Variants in DLG2 observed in about 807,000 individuals in gnomAD.
DLG2 encodes discs large MAGUK scaffold protein 2, also known as disks large homolog 2.
A neutral mutation model predicts 132.5 loss-of-function variants in DLG2; 45 were observed. That is an observed-to-expected ratio of 0.34 (90% confidence interval 0.27 to 0.44). The LOEUF is 0.44. Ranked by LOEUF, DLG2 falls within the 20% of genes least tolerant of loss-of-function variation. DLG2 has a pLI of 1.00. For synonymous variants in DLG2, 424 were observed against 419.6 expected (o/e 1.01, Z -0.13); for missense variants, 1,045 against 1,196.9 (o/e 0.87, Z 1.87).
chr11:83,962,956 G>T lies in DLG2; in HGVS notation c.1269C>A (p.Ser423=), dbSNP rs1195892077. 6.2e-7 allele frequency: 1 copy of T among 1,613,104 alleles called. No individual in the cohort carries two copies. Among genetic ancestry groups the T allele is most frequent in the Non-Finnish European group, 8.5e-7 (1 of 1,179,282 alleles). The change falls in exon 14 of 28, where the codon TCC becomes TCA. Residue 423 remains serine (S), a synonymous_variant. Coordinates refer to ENST00000376104, the MANE Select transcript of DLG2 (RefSeq NM_001142699.3). The part of the protein sequence containing the change: ...GNNGTLEYKT[S]LPPISPGRYS... The stretch of plus-strand genomic sequence containing the variant: ...ACCTTCCTGGAGAGATGGGTGGCAG[G>T]GAGGTTTTATATTCTAAAGTGCCAT...
intron 6 of DLG2, among the ~76,000 whole-genome samples, chr11:84,956,472 A>G (rs888112901): frequency 3.9e-5 from 6 of 152,210 alleles, no homozygotes; most frequent in African/African-American, 1.4e-4. Context: ...TCGGCTACAT[A>G]TGAATACCCA....
At chr11:84,069,977 C>T (rs2096732518) in intron 10 of DLG2, among the ~76,000 whole-genome samples, 2 of 152,224 alleles carry the variant, frequency 1.3e-5, no homozygotes, top group South Asian at 4.1e-4. Context: ...CTGGTACCTA[C>T]CACCTGGATT....
At chr11:85,047,043 T>C (rs114475449) in intron 6 of DLG2, among the ~76,000 whole-genome samples, 125 of 152,162 alleles carry the variant, frequency 8.2e-4, no homozygotes, top group African/African-American at 2.9e-3. Flanking sequence ...TGCTAAAATA[T>C]AGAGATAGTT....
intron 6 of DLG2, among the ~76,000 whole-genome samples, chr11:84,954,562 A>T (rs748621736): frequency 6.6e-6 from 1 of 152,228 alleles, no homozygotes; most frequent in Non-Finnish European, 1.5e-5. Context: ...TTTATTGAGC[A>T]GAGGTTATAA....
At chr11:83,795,185 C>T (rs1192356334) in intron 17 of DLG2, among the ~76,000 whole-genome samples, 2 of 152,050 alleles carry the variant, frequency 1.3e-5, no homozygotes, top group Non-Finnish European at 2.9e-5. Flanking sequence ...GTGGGCAGAT[C>T]ATAAGGTCAG....
At chr11:84,416,790 C>T (rs967544529) in intron 7 of DLG2, among the ~76,000 whole-genome samples, 2 of 152,128 alleles carry the variant, frequency 1.3e-5, no homozygotes, top group East Asian at 1.9e-4. Context: ...AGTATATGTG[C>T]TCAATTAAAA....
intron 3 of DLG2, among the ~76,000 whole-genome samples, chr11:85,527,176 A>ATTTTTT (rs57616528): frequency 1.4e-5 from 2 of 142,956 alleles, no homozygotes; most frequent in Admixed American, 7.0e-5. Flanking sequence ...GGATGTTTTT[A>ATTTTTT]TTTTTTTTTT....
In DLG2 at chr11:84,629,167, A is replaced by T. The variant is rs569578515; in HGVS notation, c.358-94436T>A. Among the ~76,000 whole-genome samples the T allele has an allele frequency of 2.6e-5, 4 of 152,216 alleles. 1 individual carries two copies. In the South Asian group the frequency reaches 8.3e-4, roughly 32 times the overall value. Reference sequence around the variant, plus strand: ...CCTAATCTCTGAGATATAATAGCTGATTTACTTAGGATTTTCTGAGCTTTA... The same window carrying T: ...CCTAATCTCTGAGATATAATAGCTGTTTTACTTAGGATTTTCTGAGCTTTA... On this transcript the variant is annotated intron_variant, in intron 6 of 27. Transcript: ENST00000376104.
At chr11:85,194,920 C>T (rs541188628) in intron 4 of DLG2, among the ~76,000 whole-genome samples, 2 of 152,182 alleles carry the variant, frequency 1.3e-5, no homozygotes, top group Non-Finnish European at 2.9e-5. Context: ...GCAGCTAGGT[C>T]TCACTTCCAT....
chr11:84,724,464 G>A (rs1244593009), intron 6 of DLG2, among the ~76,000 whole-genome samples: 6 of 152,148 alleles, frequency 3.9e-5, no homozygotes, highest in Admixed American at 6.5e-5. Flanking sequence ...TGTGTAACTC[G>A]GTCTAATTCC....
chr11:84,868,022 T>C (rs769112991), intron 6 of DLG2, among the ~76,000 whole-genome samples: 6 of 151,438 alleles, frequency 4.0e-5, no homozygotes, highest in Non-Finnish European at 8.8e-5. Context: ...TGCAGTGAGC[T>C]GAGATCGCGC....
intron 10 of DLG2, among the ~76,000 whole-genome samples, chr11:84,062,604 T>C (rs1321815125): frequency 6.6e-6 from 1 of 152,220 alleles, no homozygotes; most frequent in Non-Finnish European, 1.5e-5. Context: ...GATCCCATTT[T>C]AAAGACAGTG....
At chr11:83,959,550 C>A (rs1285031271) in intron 14 of DLG2, among the ~76,000 whole-genome samples, 1 of 152,034 alleles carries the variant, frequency 6.6e-6, no homozygotes, top group Non-Finnish European at 1.5e-5. Context: ...ATTTACAGAG[C>A]CTTCTAAAAA....
intron 3 of DLG2, among the ~76,000 whole-genome samples, chr11:85,532,936 T>A: frequency 6.6e-6 from 1 of 152,242 alleles, no homozygotes; most frequent in East Asian, 1.9e-4. Flanking sequence ...AGTATACATT[T>A]TAGAAACAGG....
chr11:84,299,701 G>A lies in DLG2; in HGVS notation c.520-48410C>T, dbSNP rs145597265. Reference sequence around the variant, plus strand: ...TTTGATTTAGTTATTGGAAAAACGAGTCCATAGGGAACTCCCAATTATGTT... The same window carrying A: ...TTTGATTTAGTTATTGGAAAAACGAATCCATAGGGAACTCCCAATTATGTT... On this transcript the variant is annotated intron_variant, in intron 7 of 27. Coordinates refer to ENST00000376104, the MANE Select transcript of DLG2 (RefSeq NM_001142699.3). Among the ~76,000 whole-genome samples, 1,067 of 152,304 alleles carry A rather than the reference G, an allele frequency of 7.0e-3. 16 individuals are homozygous for A. Among genetic ancestry groups the A allele is most frequent in the African/African-American group, 0.025 (1,023 of 41,574 alleles).
At chr11:83,539,139 CA>C (rs2095984141) in intron 20 of DLG2, among the ~76,000 whole-genome samples, 1 of 152,140 alleles carries the variant, frequency 6.6e-6, no homozygotes, top group African/African-American at 2.4e-5. Flanking sequence ...GGGCTTACAA[CA>C]GTGTCTAGCG....
chr11:83,860,850 G>T (rs868021439), intron 16 of DLG2, among the ~76,000 whole-genome samples: 2 of 152,234 alleles, frequency 1.3e-5, no homozygotes, highest in Middle Eastern at 6.8e-3. Flanking sequence ...TCTTTCCTGT[G>T]CTGTTATTGT....
chr11:83,792,029 A>G (rs1489979046), intron 17 of DLG2, among the ~76,000 whole-genome samples: 1 of 152,184 alleles, frequency 6.6e-6, no homozygotes, highest in Non-Finnish European at 1.5e-5. Context: ...TTTGCTTTTC[A>G]TTGAGCAATG....
rs146866218 is a variant in DLG2 at position 84,473,466 on chromosome 11, G to A, written c.519+61104C>T. Among the ~76,000 whole-genome samples, 1,073 of 152,130 alleles carry A rather than the reference G, an allele frequency of 7.1e-3. 14 individuals carry two copies. Among genetic ancestry groups the A allele is most frequent in the African/African-American group, 0.023 (962 of 41,518 alleles). ...CAGATTATCCTAACAGAGACTAAGT[G>A]TATGCTCTAAACTACTATCTTGATG... On this transcript the variant is annotated intron_variant, in intron 7 of 27. Coordinates refer to ENST00000376104, the MANE Select transcript of DLG2 (RefSeq NM_001142699.3).
Sources: allele counts gnomAD v4.1 joint callset (sites outside exome capture counted in the v4.1 genomes callset), GRCh38; gene constraint gnomAD v4.1.1; transcripts MANE v1.5; gene names NCBI Gene and HGNC (gene_info 2026-07-23, HGNC 2026-07-21).